The following FSTL4 variants were observed in gnomAD, a reference collection of about 807,000 sequenced individuals.
FSTL4 encodes the protein follistatin-related protein 4.
A neutral mutation model predicts 78.2 loss-of-function variants in FSTL4; 28 were observed. The ratio of observed to expected loss-of-function variants is 0.36; its 90% CI spans 0.27 to 0.49. The LOEUF is 0.49. Ranked by LOEUF, FSTL4 falls within the 20% of genes least tolerant of loss-of-function variation. The pLI is 0.98. For missense variants in FSTL4, 922 were observed against 1,084.9 expected (o/e 0.85, Z 2.11); for synonymous variants, 422 against 440.5 (o/e 0.96, Z 0.53).
At chr5:133,788,162 T>C in the FSTL4 span, among the ~76,000 whole-genome samples, 542 of 152,250 alleles carry the variant, frequency 3.6e-3, 5 homozygotes, top group African/African-American at 0.013. Context: ...AGGTAAGAAC[T>C]GTTTGCTGGA....
intron 6 of FSTL4, among the ~76,000 whole-genome samples, chr5:133,307,545 G>T (rs1385963230): frequency 1.3e-5 from 2 of 152,092 alleles, no homozygotes; most frequent in Non-Finnish European, 2.9e-5. Flanking sequence ...TAAATGCTGG[G>T]TATCACTTTA....
the FSTL4 span, among the ~76,000 whole-genome samples, chr5:133,647,515 A>G: frequency 6.6e-6 from 1 of 152,182 alleles, no homozygotes; most frequent in African/African-American, 2.4e-5. Context: ...CTTATATTGA[A>G]GTCCTAGATA....
intron 11 of FSTL4, chr5:133,223,989 C>A: frequency 1.9e-6 from 1 of 518,844 alleles, no homozygotes. Flanking sequence ...GAAAGCTTTG[C>A]ATTTAAAAAT....
At chr5:133,253,493 C>A (rs1408265702) in intron 6 of FSTL4, among the ~76,000 whole-genome samples, 1 of 152,228 alleles carries the variant, frequency 6.6e-6, no homozygotes, top group Non-Finnish European at 1.5e-5. Flanking sequence ...CTGAGTCTTG[C>A]AAGTGCTCCC....
At chr5:133,484,959 A>G (rs1453761477) in intron 3 of FSTL4, among the ~76,000 whole-genome samples, 1 of 152,228 alleles carries the variant, frequency 6.6e-6, no homozygotes, top group African/African-American at 2.4e-5. Flanking sequence ...GGTGCCATGC[A>G]GTTCAGAATC....
chr5:133,232,411 G>A (rs1055881518), intron 8 of FSTL4, among the ~76,000 whole-genome samples: 1 of 152,154 alleles, frequency 6.6e-6, no homozygotes, highest in African/African-American at 2.4e-5. Flanking sequence ...TTTTCTCTGG[G>A]TCTTGATTTT....
At chr5:133,789,439 T>C in the FSTL4 span, among the ~76,000 whole-genome samples, 1 of 152,208 alleles carries the variant, frequency 6.6e-6, no homozygotes, top group South Asian at 2.1e-4. Context: ...AGGAAGCTAA[T>C]CACTAGATAA....
chr5:133,807,747 C>T, the FSTL4 span, among the ~76,000 whole-genome samples: 1 of 152,194 alleles, frequency 6.6e-6, no homozygotes, highest in Non-Finnish European at 1.5e-5. Context: ...TGGGTCATGT[C>T]CTCTCACCGC....
chr5:133,423,487 T>C (rs1015979017), intron 3 of FSTL4, among the ~76,000 whole-genome samples: 3 of 152,200 alleles, frequency 2.0e-5, no homozygotes, highest in Non-Finnish European at 2.9e-5. Context: ...CGGGCAGGGC[T>C]GCCCAATTCT....
the FSTL4 span, among the ~76,000 whole-genome samples, chr5:133,700,513 C>T: frequency 1.3e-5 from 2 of 152,260 alleles, no homozygotes; most frequent in African/African-American, 2.4e-5. Context: ...CAGGTCTGCT[C>T]ATCCTCCAAC....
intron 15 of FSTL4, among the ~76,000 whole-genome samples, chr5:133,200,689 C>T (rs932064284): frequency 2.0e-5 from 3 of 152,204 alleles, no homozygotes; most frequent in Non-Finnish European, 4.4e-5. Context: ...TCCCTTTGAT[C>T]TTGAGAGCCT....
intron 8 of FSTL4, among the ~76,000 whole-genome samples, chr5:133,231,582 G>A (rs916923774): frequency 3.3e-5 from 5 of 152,006 alleles, no homozygotes; most frequent in African/African-American, 9.7e-5. Flanking sequence ...TCCCTCTGTC[G>A]CCCAGGTTGG....
the FSTL4 span, among the ~76,000 whole-genome samples, chr5:133,679,887 TCCAA>T: frequency 6.6e-6 from 1 of 151,982 alleles, no homozygotes; most frequent in African/African-American, 2.4e-5. Flanking sequence ...TCCCTTTCCC[TCCAA>T]CCAGGTAGCT....
rs73282017 is a variant in FSTL4 at position 133,317,930 on chromosome 5, G to A, written c.410-1278C>T. ...AAGCTACTGGGGGGAAAGGGATGAT[G>A]GGGAAGTCTGTCTGTCTGTTTCTCT... On this transcript the variant is annotated intron_variant, in intron 4 of 15. Coordinates refer to ENST00000265342, the MANE Select transcript of FSTL4 (RefSeq NM_015082.2). Among the ~76,000 whole-genome samples the A allele has an allele frequency of 9.9e-3, 1,514 of 152,268 alleles. 25 individuals carry two copies. Among genetic ancestry groups the A allele is most frequent in the African/African-American group, 0.034 (1,408 of 41,550 alleles).
At chr5:133,443,615 T>C (rs1757204570) in intron 3 of FSTL4, among the ~76,000 whole-genome samples, 3 of 152,232 alleles carry the variant, frequency 2.0e-5, no homozygotes, top group African/African-American at 7.2e-5. Context: ...GGTGGTGCTC[T>C]GACTCCTCCT....
intron 3 of FSTL4, among the ~76,000 whole-genome samples, chr5:133,432,725 T>G (rs975836767): frequency 6.6e-6 from 1 of 152,160 alleles, no homozygotes; most frequent in African/African-American, 2.4e-5. Context: ...TGGAAACCTA[T>G]GGAAGATAGG....
the FSTL4 span, among the ~76,000 whole-genome samples, chr5:133,680,748 A>C: frequency 6.6e-6 from 1 of 152,238 alleles, no homozygotes; most frequent in South Asian, 2.1e-4. Flanking sequence ...AAAGCCCTGC[A>C]GTTATCTGGT....
chr5:133,607,994 C>A (rs1462076165), intron 1 of FSTL4, among the ~76,000 whole-genome samples: 1 of 152,186 alleles, frequency 6.6e-6, no homozygotes, highest in Non-Finnish European at 1.5e-5. Flanking sequence ...AGAGCACCAG[C>A]ATCATAAGGC....
intron 3 of FSTL4, among the ~76,000 whole-genome samples, chr5:133,407,097 A>G (rs1437106908): frequency 6.6e-6 from 1 of 152,208 alleles, no homozygotes; most frequent in Non-Finnish European, 1.5e-5. Flanking sequence ...GGCCTGCAGG[A>G]TGGCTGCTCC....
Sources: gnomAD v4.1 joint callset for allele counts (sites outside exome capture counted in the v4.1 genomes callset) on GRCh38, gnomAD v4.1.1 for gene constraint, MANE v1.5 for transcripts, NCBI Gene and HGNC (gene_info 2026-07-23, HGNC 2026-07-21) for gene names.